The following DNAH6 variants were observed in gnomAD, a reference collection of about 807,000 sequenced individuals.
DNAH6 encodes the protein dynein axonemal heavy chain 6.
In DNAH6, 340 loss-of-function variants were observed where a neutral mutation model predicts 491.4. That is an observed-to-expected ratio of 0.69 (90% confidence interval 0.63 to 0.76). DNAH6 has a LOEUF of 0.76. Among genes scored for constraint, DNAH6 ranks in the 30% least tolerant of loss-of-function variants. The pLI, the probability that DNAH6 is intolerant of heterozygous loss-of-function variation, is 0.00. For synonymous variants in DNAH6, 1,603 were observed against 1,686.1 expected (o/e 0.95, Z 1.21); for missense variants, 4,443 against 4,972.2 (o/e 0.89, Z 3.20).
the DNAH6 span, among the ~76,000 whole-genome samples, chr2:84,476,347 A>G: frequency 1.3e-5 from 2 of 152,160 alleles, no homozygotes; most frequent in Non-Finnish European, 2.9e-5. Flanking sequence ...AGCACCACCA[A>G]TTGCTCCAGG....
rs2104507807 is a variant in DNAH6, at chr2:84,642,058, A to G, written c.5078+4A>G. 6.5e-7 allele frequency: 1 copy of G among 1,542,202 alleles called. No homozygotes were observed. Among genetic ancestry groups the G allele is most frequent in the Non-Finnish European group, 8.8e-7 (1 of 1,139,142 alleles). On this transcript the variant is annotated splice_donor_region_variant and intron_variant, in intron 33 of 76. Coordinates refer to ENST00000389394, the MANE Select transcript of DNAH6 (RefSeq NM_001370.2). Reference sequence around the variant, plus strand: ...CAGATGATGCTCTTCTGTTCAGGTAAGTTTGTAGACATTACCAAGTAAAGC... The same window carrying G: ...CAGATGATGCTCTTCTGTTCAGGTAGGTTTGTAGACATTACCAAGTAAAGC...
chr2:84,520,289 T>C (rs921439122), intron 2 of DNAH6, among the ~76,000 whole-genome samples: 7 of 152,190 alleles, frequency 4.6e-5, no homozygotes, highest in African/African-American at 1.7e-4. Flanking sequence ...TGTACACATG[T>C]TGCCTAAATT....
At chr2:84,569,505 AC>A (rs1201455576) in intron 11 of DNAH6, among the ~76,000 whole-genome samples, 1 of 152,078 alleles carries the variant, frequency 6.6e-6, no homozygotes, top group East Asian at 1.9e-4. Flanking sequence ...GGAGAGCAAA[AC>A]CCTAAAACAA....
At chr2:84,510,257 G>A in the DNAH6 span, among the ~76,000 whole-genome samples, 1 of 152,104 alleles carries the variant, frequency 6.6e-6, no homozygotes, top group Non-Finnish European at 1.5e-5. Flanking sequence ...CATATTTCTT[G>A]GAGGCTTTGT....
chr2:84,481,351 AAGAG>A, the DNAH6 span, among the ~76,000 whole-genome samples: 1 of 152,224 alleles, frequency 6.6e-6, no homozygotes, highest in East Asian at 1.9e-4. Context: ...CTGTGAACTT[AAGAG>A]AAACAAGATA....
intron 26 of DNAH6, 76 bp downstream of exon 26, chr2:84,621,627 G>T: frequency 2.6e-6 from 2 of 768,476 alleles, no homozygotes; most frequent in Non-Finnish European, 4.1e-6. Flanking sequence ...CACAGTTAAT[G>T]CAAATTCACT....
chr2:84,614,810 A>G (rs1049475742), intron 22 of DNAH6, among the ~76,000 whole-genome samples: 1 of 151,970 alleles, frequency 6.6e-6, no homozygotes, highest in Non-Finnish European at 1.5e-5. Context: ...TTTATAGCCC[A>G]TTTGTATACC....
At chr2:84,801,316 T>C (rs1291414056) in intron 70 of DNAH6, among the ~76,000 whole-genome samples, 1 of 143,494 alleles carries the variant, frequency 7.0e-6, no homozygotes, top group Non-Finnish European at 1.5e-5. Flanking sequence ...TATTTGAGTA[T>C]ATAATCCAGG....
In DNAH6 at chr2:84,707,716, A is replaced by G; in HGVS notation, c.9048A>G (p.Ser3016=). 1 of 1,551,398 alleles carries G rather than the reference A, an allele frequency of 6.4e-7. No individual in the cohort carries two copies. ...YGAFTAQYRQ[S]LIECWIQDCQ... ...CTTTCACAGCCCAGTACAGGCAGTC[A>G]GTGAGTAACCCTGCTTTCTGTAAGG... The change falls in exon 54 of 77, where the codon TCA becomes TCG. Residue 3016 remains serine, a splice_region_variant and synonymous_variant. Transcript: ENST00000389394.
chr2:84,465,105 G>A, the DNAH6 span, among the ~76,000 whole-genome samples: 11 of 152,278 alleles, frequency 7.2e-5, no homozygotes, highest in South Asian at 2.1e-4. Flanking sequence ...AGGTAGAGAG[G>A]AGCTCAGTCA....
At chr2:84,546,617 G>A (rs181968303) in intron 5 of DNAH6, among the ~76,000 whole-genome samples, 1 of 152,208 alleles carries the variant, frequency 6.6e-6, no homozygotes, top group East Asian at 1.9e-4. Flanking sequence ...AATTATGTTG[G>A]ATATGCCTAT....
chr2:84,477,678 A>T, the DNAH6 span, among the ~76,000 whole-genome samples: 1 of 152,198 alleles, frequency 6.6e-6, no homozygotes, highest in African/African-American at 2.4e-5. Flanking sequence ...TAAGTTACAC[A>T]TTCCCTTCCT....
chr2:84,758,555 A>T (rs1426552753), intron 63 of DNAH6, among the ~76,000 whole-genome samples: 8 of 152,172 alleles, frequency 5.3e-5, no homozygotes. Context: ...TCAATGGTAC[A>T]TCAAAAAGAT....
At chr2:84,749,351 T>C (rs1009068059) in intron 63 of DNAH6, among the ~76,000 whole-genome samples, 1 of 151,994 alleles carries the variant, frequency 6.6e-6, no homozygotes, top group Non-Finnish European at 1.5e-5. Context: ...AAGGAACAAG[T>C]AGGTGGAAAT....
At position 84,677,065 on chromosome 2, in the gene DNAH6, C is replaced by T. The variant is rs771925350; in HGVS notation, c.6673C>T (p.Arg2225Cys). 29 of 1,551,620 alleles carry T rather than the reference C, an allele frequency of 1.9e-5. No individual in the cohort carries two copies. The highest frequency in any genetic ancestry group is 4.9e-5 in the East Asian group (2 of 40,928). The change falls in exon 41 of 77, where the codon CGC becomes TGC. Residue 2225 changes from arginine (R) to cysteine (C), a missense_variant. Arg to Cys is a radical substitution (Grantham distance 180). Transcript: ENST00000389394. ...PGGGRNPVTP[R>C]FIRHFSMLCL... Reference sequence around the variant, plus strand: ...CGGTGGCCGCAACCCTGTGACTCCCCGCTTCATCAGACACTTCAGCATGCT... The same window carrying T: ...CGGTGGCCGCAACCCTGTGACTCCCTGCTTCATCAGACACTTCAGCATGCT...
chr2:84,647,367 A>G (rs78357838), intron 33 of DNAH6, among the ~76,000 whole-genome samples: 1 of 152,340 alleles, frequency 6.6e-6, no homozygotes, highest in East Asian at 1.9e-4. Flanking sequence ...ACTAAGCAAC[A>G]GATTTTTAAT....
chr2:84,557,945 CT>C lies in DNAH6; in HGVS notation c.1803+11del. On this transcript the variant is annotated intron_variant, in intron 11 of 76. Coordinates refer to ENST00000389394, the MANE Select transcript of DNAH6 (RefSeq NM_001370.2). ...TATTTCTCAAATAAAGGTATGTTTA[CT>C]CTGACTAAAACTATTCTATAATATT... is the stretch of plus-strand genomic sequence containing the variant. 1 of 1,553,630 alleles carries C rather than the reference CT, an allele frequency of 6.4e-7. No homozygotes were observed. Among genetic ancestry groups the C allele is most frequent in the Non-Finnish European group, 8.8e-7 (1 of 1,130,494 alleles).
chr2:84,661,802 T>C (rs996837320), intron 37 of DNAH6, among the ~76,000 whole-genome samples: 1 of 151,766 alleles, frequency 6.6e-6, no homozygotes, highest in African/African-American at 2.4e-5. Flanking sequence ...CATTCTAAAA[T>C]TTATATAAAA....
At chr2:84,602,023 T>C (rs1360044305) in intron 18 of DNAH6, among the ~76,000 whole-genome samples, 1 of 152,070 alleles carries the variant, frequency 6.6e-6, no homozygotes, top group East Asian at 1.9e-4. Context: ...AATTAATTCC[T>C]CCATACATTC....
Sources: allele counts gnomAD v4.1 joint callset (sites outside exome capture counted in the v4.1 genomes callset), GRCh38; gene constraint gnomAD v4.1.1; transcripts MANE v1.5; gene names NCBI Gene and HGNC (gene_info 2026-07-23, HGNC 2026-07-21).